The following LHFPL3 variants were observed in gnomAD, a reference collection of about 807,000 sequenced individuals.
The protein encoded by LHFPL3 is LHFPL tetraspan subfamily member 3, also known as LHFPL tetraspan subfamily member 3 protein.
Under a neutral mutation model 19.3 loss-of-function variants are expected in LHFPL3, and 5 were observed. That is an observed-to-expected ratio of 0.26 (90% CI 0.14 to 0.54). The LOEUF is 0.54. Ranked by LOEUF, LHFPL3 falls within the 20% of genes least tolerant of loss-of-function variation. The probability of loss-of-function intolerance (pLI) is 0.94; values close to 1 mark genes in which losing one functional copy is unlikely to be tolerated. For missense variants in LHFPL3, 249 were observed against 307.4 expected, an observed-to-expected ratio of 0.81 and a Z score of 1.42; for synonymous variants, 133 against 126.2, an observed-to-expected ratio of 1.05 and a Z score of -0.36.
intron 2 of LHFPL3, among the ~76,000 whole-genome samples, chr7:104,821,803 C>G (rs1415887931): frequency 6.6e-6 from 1 of 152,162 alleles, no homozygotes; most frequent in Non-Finnish European, 1.5e-5. Flanking sequence ...AACCAATTCT[C>G]CCACCTCCAA....
At position 104,570,716 on chromosome 7, in the gene LHFPL3, C is replaced by G. The variant is rs115095041; in HGVS notation, c.446-165959C>G. ...AACTTTTATTTTAGGTTCGGGGGTACCTGTGAAAGTTTGTTACGTAGGTAA... is the reference window on the plus strand; with the variant it reads ...AACTTTTATTTTAGGTTCGGGGGTAGCTGTGAAAGTTTGTTACGTAGGTAA... On this transcript the variant is annotated intron_variant, in intron 1 of 2. Transcript: ENST00000424859. Among the ~76,000 whole-genome samples, 364 of 152,036 alleles carry G rather than the reference C, an allele frequency of 2.4e-3. 4 individuals carry two copies. Among genetic ancestry groups the G allele is most frequent in the African/African-American group, 8.3e-3 (345 of 41,440 alleles).
At chr7:104,901,929 A>G (rs1038925529) in intron 2 of LHFPL3, among the ~76,000 whole-genome samples, 8 of 151,918 alleles carry the variant, frequency 5.3e-5, no homozygotes, top group African/African-American at 1.9e-4. Context: ...GAGCTCCTTA[A>G]ATTTTATACC....
Position 104,867,945 on chromosome 7 carries a change from A to G in LHFPL3, c.683-38242A>G, listed in dbSNP as rs1418278625. Among the ~76,000 whole-genome samples the G allele has an allele frequency of 2.0e-5, 3 of 152,344 alleles. No homozygotes were observed. In the South Asian group the frequency reaches 6.2e-4, roughly 32 times the overall value. The stretch of plus-strand genomic sequence containing the variant: ...CAACATATGAAAATCAATAAACATA[A>G]TCCAGCATATAAACAGAACCAACGA... On this transcript the variant is annotated intron_variant, in intron 2 of 2. Transcript: ENST00000424859.
At chr7:104,554,615 GAACT>G (rs1175265630) in intron 1 of LHFPL3, among the ~76,000 whole-genome samples, 4 of 150,700 alleles carry the variant, frequency 2.7e-5, no homozygotes, top group Non-Finnish European at 5.9e-5. Context: ...CACAGAGGCA[GAACT>G]AATAGGATAG....
In LHFPL3 at chr7:104,906,265, G is replaced by A. The variant is rs767023615; in HGVS notation, c.*50G>A. 2.0e-5 allele frequency: 32 copies of A among 1,572,970 alleles called. No homozygotes were observed. The African/African-American group carries it at 2.2e-4, about 11-fold the overall frequency. On this transcript the variant is annotated 3_prime_UTR_variant, in exon 3 of 3. Coordinates refer to ENST00000424859, the MANE Select transcript of LHFPL3 (RefSeq NM_199000.3). ...TAAACAAATCGAATAACAGCTAAAC[G>A]AATCGAATAACAGCTTTTGTACATC... is the stretch of plus-strand genomic sequence containing the variant.
At chr7:104,517,251 T>A (rs530238024) in intron 1 of LHFPL3, among the ~76,000 whole-genome samples, 4 of 152,170 alleles carry the variant, frequency 2.6e-5, no homozygotes, top group Admixed American at 2.0e-4. Flanking sequence ...ATGACACAAG[T>A]TTACCTATGC....
At chr7:104,558,253 C>A (rs1584400204) in intron 1 of LHFPL3, among the ~76,000 whole-genome samples, 2 of 151,438 alleles carry the variant, frequency 1.3e-5, no homozygotes, top group African/African-American at 2.4e-5. Context: ...GGAATCGCCA[C>A]ACTGACTTCC....
intron 2 of LHFPL3, among the ~76,000 whole-genome samples, chr7:104,884,366 T>C (rs952725442): frequency 6.6e-6 from 1 of 152,194 alleles, no homozygotes; most frequent in African/African-American, 2.4e-5. Flanking sequence ...ACCGCTCCCC[T>C]GTCCCCAAGT....
At chr7:104,510,038 A>G (rs1584369332) in intron 1 of LHFPL3, among the ~76,000 whole-genome samples, 1 of 152,182 alleles carries the variant, frequency 6.6e-6, no homozygotes, top group Admixed American at 6.5e-5. Flanking sequence ...TAAAACATGT[A>G]CAGGACTTGC....
At chr7:104,434,461 A>C (rs4730008) in intron 1 of LHFPL3, among the ~76,000 whole-genome samples, 35,447 of 152,098 alleles carry the variant, frequency 0.23, 4,770 homozygotes, top group Admixed American at 0.34. Flanking sequence ...GGTCTAGGAT[A>C]CAGAAAACTA....
At chr7:104,548,954 A>G (rs1224289141) in intron 1 of LHFPL3, among the ~76,000 whole-genome samples, 9 of 152,184 alleles carry the variant, frequency 5.9e-5, no homozygotes, top group Non-Finnish European at 1.0e-4. Context: ...GTAGCCTCTA[A>G]GGGATTCTTT....
intron 2 of LHFPL3, among the ~76,000 whole-genome samples, chr7:104,772,011 G>A (rs1794561831): frequency 6.6e-6 from 1 of 151,542 alleles, no homozygotes. Context: ...GTAGAAAAGA[G>A]GTTTCACCAT....
At chr7:104,725,298 A>C (rs1793569488) in intron 1 of LHFPL3, among the ~76,000 whole-genome samples, 1 of 152,182 alleles carries the variant, frequency 6.6e-6, no homozygotes, top group African/African-American at 2.4e-5. Flanking sequence ...ACCATTCCAC[A>C]CACATCCTGT....
At chr7:104,684,734 G>A (rs758613698) in intron 1 of LHFPL3, among the ~76,000 whole-genome samples, 3 of 152,114 alleles carry the variant, frequency 2.0e-5, no homozygotes, top group Non-Finnish European at 4.4e-5. Flanking sequence ...AGGCCCCCAC[G>A]GCTAAGCAGC....
At chr7:104,832,012 T>G (rs963049610) in intron 2 of LHFPL3, among the ~76,000 whole-genome samples, 1 of 152,022 alleles carries the variant, frequency 6.6e-6, no homozygotes, top group Non-Finnish European at 1.5e-5. Context: ...ACTAATGATG[T>G]GGGCACTATG....
At chr7:104,346,393 G>A (rs889066898) in intron 1 of LHFPL3, among the ~76,000 whole-genome samples, 3 of 148,352 alleles carry the variant, frequency 2.0e-5, no homozygotes, top group Non-Finnish European at 4.4e-5. Context: ...TGTAAGTCCC[G>A]TGGATAATAT....
chr7:104,358,890 G>T (rs1414769988), intron 1 of LHFPL3, among the ~76,000 whole-genome samples: 1 of 152,188 alleles, frequency 6.6e-6, no homozygotes, highest in South Asian at 2.1e-4. Flanking sequence ...GCTGTTGCTC[G>T]ATGGATGTCA....
chr7:104,644,934 T>C (rs1228886816), intron 1 of LHFPL3, among the ~76,000 whole-genome samples: 1 of 152,162 alleles, frequency 6.6e-6, no homozygotes, highest in Non-Finnish European at 1.5e-5. Flanking sequence ...TTGAGGACCA[T>C]TAACCCAGGT....
intron 2 of LHFPL3, among the ~76,000 whole-genome samples, chr7:104,795,668 G>A (rs1790109198): frequency 6.6e-6 from 1 of 152,160 alleles, no homozygotes; most frequent in Admixed American, 6.5e-5. Flanking sequence ...AATCTAAAAA[G>A]TTCAGGTCTT....
Sources: gnomAD v4.1 joint callset for allele counts (sites outside exome capture counted in the v4.1 genomes callset) on GRCh38, gnomAD v4.1.1 for gene constraint, MANE v1.5 for transcripts, NCBI Gene and HGNC (gene_info 2026-07-23, HGNC 2026-07-21) for gene names.